AFG2A: variants seen among roughly 807,000 people sequenced by gnomAD.
AFG2A encodes AAA ATPase AFG2A, also known as ATPase family gene 2 protein homolog A.
At chr4:123,061,321 G>A in the AFG2A span, among the ~76,000 whole-genome samples, 1 of 152,142 alleles carries the variant, frequency 6.6e-6, no homozygotes, top group African/African-American at 2.4e-5. Context: ...CCAGTTTACT[G>A]GATTAGTCCA....
the AFG2A span, among the ~76,000 whole-genome samples, chr4:123,225,965 T>A: frequency 6.6e-6 from 1 of 152,220 alleles, no homozygotes; most frequent in East Asian, 1.9e-4. Flanking sequence ...TTTATTCTCT[T>A]TGAAGAAATT....
At chr4:122,947,593 G>T in the AFG2A span, 2 of 1,283,638 alleles carry the variant, frequency 1.6e-6, no homozygotes, top group Non-Finnish European at 2.0e-6. Flanking sequence ...AAGTAGCTTT[G>T]TTTCTAATTA....
chr4:123,144,811 A>G, the AFG2A span, among the ~76,000 whole-genome samples: 3 of 152,056 alleles, frequency 2.0e-5, no homozygotes, highest in Admixed American at 2.0e-4. Flanking sequence ...ACTTGATGAA[A>G]TTGGTCATAC....
At chr4:123,020,391 G>T in the AFG2A span, among the ~76,000 whole-genome samples, 1 of 148,184 alleles carries the variant, frequency 6.7e-6, no homozygotes, top group Non-Finnish European at 1.5e-5. Context: ...TTTCTGAGAC[G>T]GACTTTCACT....
At chr4:123,295,175 G>A in the AFG2A span, among the ~76,000 whole-genome samples, 2 of 152,182 alleles carry the variant, frequency 1.3e-5, no homozygotes, top group Non-Finnish European at 2.9e-5. Context: ...AAGCTTAGGA[G>A]AAAAGGCAGG....
At chr4:122,952,349 G>C in the AFG2A span, among the ~76,000 whole-genome samples, 1 of 152,056 alleles carries the variant, frequency 6.6e-6, no homozygotes, top group African/African-American at 2.4e-5. Flanking sequence ...TGTGACTTCA[G>C]CTGGTTCAAA....
the AFG2A span, among the ~76,000 whole-genome samples, chr4:122,948,039 C>T: frequency 6.6e-6 from 1 of 151,922 alleles, no homozygotes; most frequent in Admixed American, 6.6e-5. Flanking sequence ...TATGGTTAAT[C>T]AGCTGTTTAT....
At chr4:123,092,810 C>T in the AFG2A span, among the ~76,000 whole-genome samples, 1 of 152,144 alleles carries the variant, frequency 6.6e-6, no homozygotes, top group Non-Finnish European at 1.5e-5. Context: ...AGGAGCCACT[C>T]CCAGCTCCTA....
At chr4:123,295,154 C>G in the AFG2A span, among the ~76,000 whole-genome samples, 1 of 152,152 alleles carries the variant, frequency 6.6e-6, no homozygotes, top group African/African-American at 2.4e-5. Flanking sequence ...TGTGAGTCAG[C>G]TCCAGTAGCC....
At chr4:123,256,926 C>T in the AFG2A span, 2 of 804,332 alleles carry the variant, frequency 2.5e-6, no homozygotes, top group Non-Finnish European at 1.5e-6. Context: ...AACTATGTAC[C>T]TCGACACAGA....
the AFG2A span, among the ~76,000 whole-genome samples, chr4:123,035,445 G>A: frequency 6.6e-6 from 1 of 151,956 alleles, no homozygotes; most frequent in Non-Finnish European, 1.5e-5. Context: ...TAAATCGGCA[G>A]TTATTAACAT....
At chr4:123,003,813 G>A in the AFG2A span, among the ~76,000 whole-genome samples, 1 of 152,120 alleles carries the variant, frequency 6.6e-6, no homozygotes, top group South Asian at 2.1e-4. Context: ...GCTGCGTGCT[G>A]GGAAAACCAC....
the AFG2A span, among the ~76,000 whole-genome samples, chr4:123,083,372 G>T: frequency 6.6e-6 from 1 of 150,976 alleles, no homozygotes; most frequent in Admixed American, 6.6e-5. Flanking sequence ...ATTGGATTTT[G>T]TCAAATATTT....
the AFG2A span, among the ~76,000 whole-genome samples, chr4:122,950,335 T>G: frequency 1.5e-5 from 2 of 132,388 alleles, no homozygotes; most frequent in African/African-American, 5.5e-5. Flanking sequence ...CCCTAGTCAT[T>G]GTTAATTTTT....
At chr4:123,196,658 A>ATC in the AFG2A span, among the ~76,000 whole-genome samples, 1 of 152,294 alleles carries the variant, frequency 6.6e-6, no homozygotes, top group East Asian at 1.9e-4. Context: ...TGTTGATCAG[A>ATC]TGCAACTAGG....
At chr4:123,120,928 C>G in the AFG2A span, among the ~76,000 whole-genome samples, 1 of 151,942 alleles carries the variant, frequency 6.6e-6, no homozygotes, top group Non-Finnish European at 1.5e-5. Flanking sequence ...TCAGGCAGGT[C>G]CTACAGGGGA....
At chr4:123,150,923 A>G in the AFG2A span, among the ~76,000 whole-genome samples, 1 of 152,220 alleles carries the variant, frequency 6.6e-6, no homozygotes, top group Non-Finnish European at 1.5e-5. Context: ...AAACAGATAT[A>G]TAGACCAATG....
the AFG2A span, among the ~76,000 whole-genome samples, chr4:122,966,977 A>G: frequency 6.6e-6 from 1 of 152,228 alleles, no homozygotes; most frequent in Non-Finnish European, 1.5e-5. Flanking sequence ...TCCTGTGGTC[A>G]ATGAATATAT....
chr4:123,031,339 G>C, the AFG2A span, among the ~76,000 whole-genome samples: 3 of 152,120 alleles, frequency 2.0e-5, no homozygotes, highest in African/African-American at 7.2e-5. Flanking sequence ...TTTTAGTAGA[G>C]ACAGGGTTTC....
Sources: allele counts gnomAD v4.1 joint callset (sites outside exome capture counted in the v4.1 genomes callset), GRCh38; gene constraint gnomAD v4.1.1; transcripts MANE v1.5; gene names NCBI Gene and HGNC (gene_info 2026-07-23, HGNC 2026-07-21).